Variants in MAML2 observed in about 807,000 individuals in gnomAD.
The protein encoded by MAML2 is mastermind-like protein 2.
A neutral mutation model predicts 96.1 loss-of-function variants in MAML2; 22 were observed. That is an observed-to-expected ratio of 0.23 (90% CI 0.16 to 0.33). The LOEUF is 0.33. Ranked by LOEUF, MAML2 falls within the 10% of genes least tolerant of loss-of-function variation. The probability of loss-of-function intolerance (pLI) is 1.00; values close to 1 mark genes in which losing one functional copy is unlikely to be tolerated. For missense variants in MAML2, 1,367 were observed against 1,392.4 expected, an observed-to-expected ratio of 0.98 and a Z score of 0.29; for synonymous variants, 561 against 521.3, an observed-to-expected ratio of 1.08 and a Z score of -1.04.
rs535323967 is a variant in MAML2, at chr11:96,333,479, A to G, written c.513+7904T>C. ...ATTTGTTTTCTAATCCTGTCACTTCATAGAAACACCATGCTTTCAATTAAG... is the reference window on the plus strand; with the variant it reads ...ATTTGTTTTCTAATCCTGTCACTTCGTAGAAACACCATGCTTTCAATTAAG... On this transcript the variant is annotated intron_variant, in intron 1 of 4. Transcript: ENST00000524717. 6.6e-5 allele frequency among the ~76,000 whole-genome samples: 10 copies of G among 152,358 alleles called. No individual in the cohort carries two copies. The South Asian group carries it at 2.1e-3, about 32-fold the overall frequency.
chr11:96,118,955 C>T lies in MAML2; in HGVS notation c.514-25438G>A, dbSNP rs1341111264. Among the ~76,000 whole-genome samples the T allele has an allele frequency of 5.3e-5, 8 of 151,884 alleles. No homozygotes were observed. The East Asian group carries it at 1.5e-3, about 29-fold the overall frequency. On this transcript the variant is annotated intron_variant, in intron 1 of 4. Coordinates refer to ENST00000524717, the MANE Select transcript of MAML2 (RefSeq NM_032427.4). ...GTTTCATTCCATGATGCTTCTTTTACTCTGAACCCTCTGTCTCTCCATAGT... is the reference window on the plus strand; with the variant it reads ...GTTTCATTCCATGATGCTTCTTTTATTCTGAACCCTCTGTCTCTCCATAGT...
At chr11:96,194,888 G>C (rs1322032628) in intron 1 of MAML2, among the ~76,000 whole-genome samples, 3 of 152,130 alleles carry the variant, frequency 2.0e-5, no homozygotes, top group Admixed American at 2.0e-4. Context: ...CTGTCAAATA[G>C]GTGAGGCTTT....
intron 1 of MAML2, among the ~76,000 whole-genome samples, chr11:96,222,183 A>G (rs1184787919): frequency 1.3e-5 from 2 of 152,214 alleles, no homozygotes; most frequent in African/African-American, 4.8e-5. Context: ...CTGGAGGCTT[A>G]CAAATGCTGC....
intron 1 of MAML2, among the ~76,000 whole-genome samples, chr11:96,094,723 C>T (rs1249604324): frequency 6.6e-6 from 1 of 152,152 alleles, no homozygotes; most frequent in Non-Finnish European, 1.5e-5. Flanking sequence ...AAGTGAGAGA[C>T]CATATCTACC....
chr11:96,311,987 TC>T (rs1441457960), intron 1 of MAML2, among the ~76,000 whole-genome samples: 1 of 151,956 alleles, frequency 6.6e-6, no homozygotes, highest in Non-Finnish European at 1.5e-5. Context: ...ACACCTGTAA[TC>T]CCAGCACTTT....
chr11:96,229,681 A>C (rs1414417152), intron 1 of MAML2, among the ~76,000 whole-genome samples: 1 of 151,942 alleles, frequency 6.6e-6, no homozygotes, highest in African/African-American at 2.4e-5. Flanking sequence ...GAGAATAAAA[A>C]TCTGAATGAG....
chr11:96,277,016 G>A (rs1308363567), intron 1 of MAML2, among the ~76,000 whole-genome samples: 1 of 152,128 alleles, frequency 6.6e-6, no homozygotes. Flanking sequence ...TGTACACAGA[G>A]CAGGATTCAT....
chr11:96,270,552 G>A lies in MAML2; in HGVS notation c.513+70831C>T, dbSNP rs143109542. ...TCTCGAACTCCTGACCTCGTGATCC[G>A]CCTGTCTTGGCCTCCAAAAGTGCTG... On this transcript the variant is annotated intron_variant, in intron 1 of 4. Coordinates refer to ENST00000524717, the MANE Select transcript of MAML2 (RefSeq NM_032427.4). Among the ~76,000 whole-genome samples the A allele has an allele frequency of 5.8e-3, 882 of 152,112 alleles. 7 individuals carry two copies. The highest frequency in any genetic ancestry group is 0.02 in the African/African-American group (832 of 41,496).
chr11:95,982,895 C>T (rs1360979515), intron 4 of MAML2, among the ~76,000 whole-genome samples: 2 of 152,140 alleles, frequency 1.3e-5, no homozygotes, highest in Non-Finnish European at 2.9e-5. Context: ...CTCACTGACA[C>T]CCAGTGTGAC....
At chr11:96,262,625 G>A (rs1040093545) in intron 1 of MAML2, among the ~76,000 whole-genome samples, 2 of 151,946 alleles carry the variant, frequency 1.3e-5, no homozygotes, top group African/African-American at 4.8e-5. Context: ...CCGCCACCAC[G>A]CCTGGCTAAT....
chr11:96,305,931 A>T (rs978270125), intron 1 of MAML2, among the ~76,000 whole-genome samples: 1 of 152,204 alleles, frequency 6.6e-6, no homozygotes, highest in African/African-American at 2.4e-5. Context: ...TTAAAAGACA[A>T]AGTGAAATGC....
chr11:96,055,447 CT>C (rs1169705551), intron 2 of MAML2, among the ~76,000 whole-genome samples: 1 of 152,210 alleles, frequency 6.6e-6, no homozygotes, highest in African/African-American at 2.4e-5. Flanking sequence ...AAAGAGCCAG[CT>C]ACTCCAAGAA....
At chr11:96,298,362 G>T (rs1238857969) in intron 1 of MAML2, among the ~76,000 whole-genome samples, 2 of 152,202 alleles carry the variant, frequency 1.3e-5, no homozygotes, top group Non-Finnish European at 2.9e-5. Context: ...GAGGATGCTG[G>T]TAACCAGTGA....
intron 2 of MAML2, among the ~76,000 whole-genome samples, chr11:96,036,700 G>A (rs1858718369): frequency 6.6e-6 from 1 of 152,118 alleles, no homozygotes; most frequent in South Asian, 2.1e-4. Context: ...TAACCAAGAA[G>A]TCCCATTGTA....
At chr11:96,117,823 T>C (rs1185098047) in intron 1 of MAML2, among the ~76,000 whole-genome samples, 2 of 152,140 alleles carry the variant, frequency 1.3e-5, no homozygotes, top group African/African-American at 4.8e-5. Context: ...AGAAGAAGCC[T>C]GGAAAAGAAC....
At chr11:96,338,929 A>G (rs1192037142) in intron 1 of MAML2, among the ~76,000 whole-genome samples, 2 of 152,212 alleles carry the variant, frequency 1.3e-5, no homozygotes, top group Non-Finnish European at 2.9e-5. Context: ...TCACTTCAAA[A>G]TGCCCAGGCC....
intron 1 of MAML2, among the ~76,000 whole-genome samples, chr11:96,214,722 G>T (rs887507004): frequency 2.0e-5 from 3 of 152,176 alleles, no homozygotes; most frequent in Non-Finnish European, 4.4e-5. Context: ...GCAGTGATTG[G>T]CTACTCACAT....
intron 1 of MAML2, among the ~76,000 whole-genome samples, chr11:96,286,049 C>T (rs1480386570): frequency 6.6e-6 from 1 of 152,084 alleles, no homozygotes; most frequent in Non-Finnish European, 1.5e-5. Flanking sequence ...GCACTATTCA[C>T]AATAGCAAAG....
rs201299551 is a variant in MAML2, at chr11:95,979,363, T to C, written c.3056A>G (p.Gln1019Arg). The change falls in exon 5 of 5, where the codon CAG (glutamine) becomes CGG (arginine). Residue 1019 changes from glutamine to arginine, a missense_variant. By Grantham distance (43) the Gln-to-Arg change is conservative. Coordinates refer to ENST00000524717, the MANE Select transcript of MAML2 (RefSeq NM_032427.4). Reference protein sequence around the residue: ...FSQRAVAPPNQLTPAVQMRPM... With the variant: ...FSQRAVAPPNRLTPAVQMRPM... ...TCTCATTTGCACTGCTGGTGTTAAC[T>C]GGTTAGGAGGAGCCACTGCCCTCTG... 3.1e-4 allele frequency: 495 copies of C among 1,613,828 alleles called. 3 individuals are homozygous for C. The highest frequency in any genetic ancestry group is 2.2e-3 in the South Asian group (201 of 91,052).
Sources: allele counts gnomAD v4.1 joint callset (sites outside exome capture counted in the v4.1 genomes callset), GRCh38; gene constraint gnomAD v4.1.1; transcripts MANE v1.5; gene names NCBI Gene and HGNC (gene_info 2026-07-23, HGNC 2026-07-21).